The following RAP1GDS1 variants were observed in gnomAD, a reference collection of about 807,000 sequenced individuals.
RAP1GDS1 encodes the protein Rap1 GTPase-GDP dissociation stimulator 1.
RAP1GDS1 carries 35 observed loss-of-function variants against 71.1 expected under a neutral mutation model. The ratio of observed to expected loss-of-function variants is 0.49; its 90% CI spans 0.38 to 0.65. The LOEUF (loss-of-function observed/expected upper bound fraction) is 0.65. Among genes scored for constraint, RAP1GDS1 ranks in the 30% least tolerant of loss-of-function variants. The pLI is 0.00. For missense variants in RAP1GDS1, 663 were observed against 706.1 expected, an observed-to-expected ratio of 0.94 and a Z score of 0.69; for synonymous variants, 229 against 243.1, an observed-to-expected ratio of 0.94 and a Z score of 0.54.
At chr4:98,276,133 A>G (rs1451721530) in intron 1 of RAP1GDS1, among the ~76,000 whole-genome samples, 1 of 152,060 alleles carries the variant, frequency 6.6e-6, no homozygotes, top group Non-Finnish European at 1.5e-5. Flanking sequence ...CCTGGTTTAT[A>G]GGTCATCTTT....
chr4:98,359,379 A>AAGAC (rs1273421811), intron 4 of RAP1GDS1, among the ~76,000 whole-genome samples: 2 of 152,182 alleles, frequency 1.3e-5, no homozygotes, highest in Non-Finnish European at 2.9e-5. Flanking sequence ...TAGAGAATAA[A>AAGAC]AGACAGAAGA....
intron 1 of RAP1GDS1, among the ~76,000 whole-genome samples, chr4:98,272,600 C>T (rs1290112924): frequency 6.6e-6 from 1 of 152,140 alleles, no homozygotes; most frequent in Non-Finnish European, 1.5e-5. Flanking sequence ...TTCAGTGCAT[C>T]TCATCAATTT....
At chr4:98,297,726 G>A (rs1727986130) in intron 2 of RAP1GDS1, among the ~76,000 whole-genome samples, 1 of 152,112 alleles carries the variant, frequency 6.6e-6, no homozygotes, top group African/African-American at 2.4e-5. Context: ...GAGACACAAT[G>A]TTTAATTTAG....
chr4:98,437,117 A>G, intron 14 of RAP1GDS1, 49 bp downstream of exon 14: 1 of 1,471,458 alleles, frequency 6.8e-7, no homozygotes, highest in Non-Finnish European at 9.0e-7. Context: ...GGTTCACATT[A>G]AATATTAAAT....
At chr4:98,271,263 G>A (rs183286786) in intron 1 of RAP1GDS1, among the ~76,000 whole-genome samples, 16 of 152,258 alleles carry the variant, frequency 1.1e-4, no homozygotes, top group African/African-American at 3.8e-4. Flanking sequence ...GTATTTAGCA[G>A]ATTAGTAGAC....
chr4:98,378,258 T>C (rs577059593), intron 4 of RAP1GDS1, among the ~76,000 whole-genome samples: 2 of 152,052 alleles, frequency 1.3e-5, no homozygotes, highest in South Asian at 4.1e-4. Flanking sequence ...GCTGTTTGTA[T>C]GTTCTGACAG....
intron 2 of RAP1GDS1, among the ~76,000 whole-genome samples, chr4:98,298,217 T>A (rs1366389930): frequency 6.6e-6 from 1 of 152,148 alleles, no homozygotes; most frequent in East Asian, 1.9e-4. Context: ...AAGTGAAAGA[T>A]GAAGCAGCAG....
intron 2 of RAP1GDS1, among the ~76,000 whole-genome samples, chr4:98,331,426 G>C (rs1045294462): frequency 6.6e-6 from 1 of 152,070 alleles, no homozygotes; most frequent in Non-Finnish European, 1.5e-5. Flanking sequence ...ATTCAAAACA[G>C]TAACTGTGGA....
chr4:98,334,917 C>CA (rs1324052277), intron 2 of RAP1GDS1, among the ~76,000 whole-genome samples: 13,951 of 66,202 alleles, frequency 0.21, 1,069 homozygotes, highest in African/African-American at 0.32. Context: ...TCAAAGTAAG[C>CA]AAAAAAAAAA....
At chr4:98,279,810 C>G (rs768735664) in intron 1 of RAP1GDS1, among the ~76,000 whole-genome samples, 6 of 152,108 alleles carry the variant, frequency 3.9e-5, no homozygotes, top group Non-Finnish European at 5.9e-5. Flanking sequence ...GCCCTGTGTC[C>G]AAGTGTTCTC....
intron 2 of RAP1GDS1, among the ~76,000 whole-genome samples, chr4:98,331,408 T>C (rs888155277): frequency 6.6e-6 from 1 of 151,138 alleles, no homozygotes; most frequent in Non-Finnish European, 1.5e-5. Flanking sequence ...GTAAATACTT[T>C]TATAAAAATT....
chr4:98,438,965 C>G (rs1018829640), intron 14 of RAP1GDS1, among the ~76,000 whole-genome samples: 5 of 152,094 alleles, frequency 3.3e-5, no homozygotes, highest in Admixed American at 2.6e-4. Context: ...GACAGTGTTA[C>G]AACTTTTCTT....
In RAP1GDS1 at chr4:98,418,803, G is replaced by C. The variant is rs537114809; in HGVS notation, c.1174+12G>C. The stretch of plus-strand genomic sequence containing the variant: ...CCTGGCCATTCCAGGTAAGACTTAA[G>C]AATAGAAGGCAGCTGTGTACAAAAT... On this transcript the variant is annotated intron_variant, in intron 10 of 14. Coordinates refer to ENST00000408927, the MANE Select transcript of RAP1GDS1 (RefSeq NM_001100427.2). 6.3e-7 allele frequency: 1 copy of C among 1,580,340 alleles called. No homozygotes were observed. Among genetic ancestry groups the C allele is most frequent in the Admixed American group, 1.9e-5 (1 of 52,698 alleles).
At chr4:98,423,434 A>G (rs1041707103) in intron 12 of RAP1GDS1, among the ~76,000 whole-genome samples, 1 of 152,268 alleles carries the variant, frequency 6.6e-6, no homozygotes, top group Non-Finnish European at 1.5e-5. Flanking sequence ...TACCAAGTTA[A>G]GATATATGGA....
chr4:98,363,390 G>A (rs1003030178), intron 4 of RAP1GDS1, among the ~76,000 whole-genome samples: 3 of 150,070 alleles, frequency 2.0e-5, no homozygotes, highest in Admixed American at 2.0e-4. Flanking sequence ...AGGCTGAGGT[G>A]GGAGGATCAC....
At chr4:98,421,212 G>A (rs753266584) in intron 11 of RAP1GDS1, 43 bp from the exon 12 acceptor site, 4 of 1,535,118 alleles carry the variant, frequency 2.6e-6, no homozygotes, top group Non-Finnish European at 2.7e-6. Flanking sequence ...TCAACTGATT[G>A]TCTGTTAGTG....
At chr4:98,396,957 G>T (rs1744634725) in intron 6 of RAP1GDS1, 1 of 152,144 alleles carries the variant, frequency 6.6e-6, no homozygotes, top group South Asian at 2.1e-4. Context: ...GCTTAAAGAT[G>T]AAATGGAAAT....
chr4:98,442,072 C>T lies in RAP1GDS1; in HGVS notation c.1779C>T (p.Ala593=), dbSNP rs753442110. The T allele has an allele frequency of 6.2e-7, 1 of 1,613,888 alleles. No individual in the cohort carries two copies. The highest frequency in any genetic ancestry group is 8.5e-7 in the Non-Finnish European group (1 of 1,179,964). The stretch of plus-strand genomic sequence containing the variant: ...GCAGTCATGAGAACAAAAGTGTTGC[C>T]CAGCAGGCCTCTCTCACAGAGCAGA... The part of the protein sequence containing the change: ...KLRSHENKSV[A]QQASLTEQRL... The change falls in exon 15 of 15, where the codon GCC becomes GCT. Residue 593 remains alanine, a synonymous_variant. Coordinates refer to ENST00000408927, the MANE Select transcript of RAP1GDS1 (RefSeq NM_001100427.2).
Position 98,352,570 on chromosome 4 carries a change from C to T in RAP1GDS1, c.330C>T (p.Gly110=). The part of the protein sequence containing the change: ...SKDQEVLLQT[G]RALGNICYDS... ...ACCAGGAAGTGCTGCTTCAAACGGG[C>T]AGGGCTCTAGGAAACATATGTTACG... is the stretch of plus-strand genomic sequence containing the variant. The change falls in exon 4 of 15, where the codon GGC becomes GGT. Residue 110 remains glycine, a synonymous_variant. Transcript: ENST00000408927. 2 of 1,613,950 alleles carry T rather than the reference C, an allele frequency of 1.2e-6. No homozygotes were observed. Among genetic ancestry groups the T allele is most frequent in the Non-Finnish European group, 1.7e-6 (2 of 1,179,914 alleles).
Sources: allele counts gnomAD v4.1 joint callset (sites outside exome capture counted in the v4.1 genomes callset), GRCh38; gene constraint gnomAD v4.1.1; transcripts MANE v1.5; gene names NCBI Gene and HGNC (gene_info 2026-07-23, HGNC 2026-07-21).